TAS1R2: variants seen among roughly 807,000 people sequenced by gnomAD.
TAS1R2 encodes taste 1 receptor member 2.
Under a neutral mutation model 49.3 loss-of-function variants are expected in TAS1R2, and 47 were observed. The ratio of observed to expected loss-of-function variants is 0.95; its 90% confidence interval spans 0.75 to 1.22. TAS1R2 has a LOEUF of 1.22. TAS1R2 is among the 50% of genes most tolerant of loss of function. The pLI, the probability that TAS1R2 is intolerant of heterozygous loss-of-function variation, is 0.00. For synonymous variants in TAS1R2, 479 were observed against 467.9 expected (o/e 1.02, Z -0.31); for missense variants, 1,155 against 1,122.1 (o/e 1.03, Z -0.42).
At chr1:18,845,088 C>G (rs895317983) in intron 4 of TAS1R2, among the ~76,000 whole-genome samples, 2 of 152,158 alleles carry the variant, frequency 1.3e-5, no homozygotes, top group African/African-American at 2.4e-5. Flanking sequence ...AATTTTCCTT[C>G]CCTGATTTCA....
At chr1:18,857,463 G>C in exon 2 of TAS1R2, 1 of 1,614,192 alleles carries the variant, frequency 6.2e-7, no homozygotes, top group Non-Finnish European at 8.5e-7. Context: ...GGTTGTCCTC[G>C]TGTGCCAGGA....
chr1:18,849,430 T>C, exon 4 of TAS1R2: 1 of 1,614,238 alleles, frequency 6.2e-7, no homozygotes, highest in Non-Finnish European at 8.5e-7. Flanking sequence ...TGGAAGGGAT[T>C]CTGGCTCCGG....
Position 18,840,045 on chromosome 1 carries a change from TG to T in TAS1R2, c.2073del (p.Ile692LeufsTer3). On this transcript the variant is annotated frameshift_variant, in exon 6 of 6. Coordinates refer to ENST00000375371, the Ensembl canonical transcript of TAS1R2. LOFTEE classifies it low-confidence loss of function (END_TRUNC). ...GTGGCCAGCATGCCAATTACCACAA[TG>T]ACCATTTTGAGTACCGTGATAAATG... is the stretch of plus-strand genomic sequence containing the variant. The T allele has an allele frequency of 6.2e-7, 1 of 1,614,194 alleles. No homozygotes were observed. Among genetic ancestry groups the T allele is most frequent in the Non-Finnish European group, 8.5e-7 (1 of 1,180,024 alleles).
chr1:18,848,454 G>A (rs1933961409), intron 4 of TAS1R2, among the ~76,000 whole-genome samples: 1 of 152,000 alleles, frequency 6.6e-6, no homozygotes, highest in African/African-American at 2.4e-5. Context: ...GGAAGGACAG[G>A]ACCCCAGACT....
intron 1 of TAS1R2, 56 bp from the exon 2 acceptor site, chr1:18,857,687 G>T: frequency 6.4e-7 from 1 of 1,559,208 alleles, no homozygotes; most frequent in South Asian, 1.2e-5. Flanking sequence ...GGAAGGAAGA[G>T]ATAAGAGAAC....
intron 4 of TAS1R2, among the ~76,000 whole-genome samples, chr1:18,847,550 C>A (rs1372108717): frequency 1.6e-5 from 2 of 123,064 alleles, no homozygotes; most frequent in Admixed American, 1.5e-4. Context: ...AGGCTATTAG[C>A]AAAGGAGAGT....
chr1:18,839,675 A>T (rs1398484547), exon 6 of TAS1R2: 1 of 1,614,146 alleles, frequency 6.2e-7, no homozygotes, highest in Non-Finnish European at 8.5e-7. Context: ...GTAGAAGAGG[A>T]TCATGTAGCA....
intron 3 of TAS1R2, among the ~76,000 whole-genome samples, chr1:18,853,624 C>T (rs1934071214): frequency 2.0e-5 from 3 of 152,138 alleles, no homozygotes; most frequent in African/African-American, 4.8e-5. Flanking sequence ...AGGCTGGCCC[C>T]AAACTGTGAA....
chr1:18,856,174 T>G (rs1301954540), intron 2 of TAS1R2, among the ~76,000 whole-genome samples: 4 of 152,216 alleles, frequency 2.6e-5, no homozygotes, highest in Non-Finnish European at 4.4e-5. Context: ...TCTGATTTCA[T>G]CTCCTTCTCC....
chr1:18,840,921 A>G (rs1425876263), intron 5 of TAS1R2, among the ~76,000 whole-genome samples: 1 of 152,168 alleles, frequency 6.6e-6, no homozygotes, highest in Non-Finnish European at 1.5e-5. Context: ...AGCACCATCC[A>G]TTGTGACAGG....
chr1:18,857,663 C>A (rs754796967), intron 1 of TAS1R2, 32 bp from the exon 2 acceptor site: 1 of 1,595,718 alleles, frequency 6.3e-7, no homozygotes, highest in African/African-American at 1.3e-5. Flanking sequence ...GAGGTGGAAG[C>A]AGATCCAGAA....
intron 4 of TAS1R2, among the ~76,000 whole-genome samples, chr1:18,848,849 A>G (rs762371476): frequency 5.9e-5 from 9 of 152,170 alleles, no homozygotes; most frequent in Non-Finnish European, 8.8e-5. Flanking sequence ...GCTTCCATTA[A>G]TATTACATTA....
In TAS1R2 at chr1:18,849,811, C is replaced by T. The variant is rs530806885; in HGVS notation, c.1258-261G>A. Among the ~76,000 whole-genome samples the T allele has an allele frequency of 6.6e-5, 10 of 152,282 alleles. No individual in the cohort carries two copies. The South Asian group carries it at 1.9e-3, about 28-fold the overall frequency. On this transcript the variant is annotated intron_variant, in intron 3 of 5. Transcript: ENST00000375371. Reference sequence around the variant, plus strand: ...GCCTGTTTCTTAACCTCTCTGAACCCGTTTCCTCTTCTGCAAAGTGGGAGC... The same window carrying T: ...GCCTGTTTCTTAACCTCTCTGAACCTGTTTCCTCTTCTGCAAAGTGGGAGC...
intron 4 of TAS1R2, among the ~76,000 whole-genome samples, chr1:18,845,636 G>A: frequency 6.6e-6 from 1 of 152,240 alleles, no homozygotes; most frequent in East Asian, 1.9e-4. Context: ...AAAGGAAGAA[G>A]TAACTGACCT....
At chr1:18,842,785 G>T (rs1933851958) in intron 4 of TAS1R2, among the ~76,000 whole-genome samples, 2 of 152,186 alleles carry the variant, frequency 1.3e-5, no homozygotes, top group African/African-American at 4.8e-5. Flanking sequence ...GTTGCCAGAG[G>T]CTGGAGGAAG....
intron 3 of TAS1R2, among the ~76,000 whole-genome samples, chr1:18,850,563 G>A (rs1043914052): frequency 2.6e-5 from 4 of 152,254 alleles, no homozygotes; most frequent in African/African-American, 7.2e-5. Context: ...TGAGGATGAG[G>A]ATCAGGATGG....
chr1:18,857,245 G>A (rs570713808), intron 2 of TAS1R2, 86 bp downstream of exon 2: 1 of 1,418,346 alleles, frequency 7.1e-7, no homozygotes, highest in South Asian at 1.4e-5. Flanking sequence ...TCCCATGATT[G>A]ATGGAGGAAG....
At chr1:18,858,439 C>T (rs1459781367) in intron 1 of TAS1R2, 2 of 152,496 alleles carry the variant, frequency 1.3e-5, no homozygotes, top group African/African-American at 4.8e-5. Flanking sequence ...ACCATCATCA[C>T]TACCATCACC....
rs528574023 is a variant in TAS1R2, at chr1:18,854,822, G to A, written c.648C>T (p.Gly216=). 1.2e-6 allele frequency: 2 copies of A among 1,607,146 alleles called. No individual in the cohort carries two copies. The highest frequency in any genetic ancestry group is 3.3e-5 in the Admixed American group (2 of 59,728). ...CGCCAAGCAGCTGGCCATTGTCGCG[G>A]CCATAGGTGTCGCTGCTCACCAGCA... The change falls in exon 3 of 6, where the codon GGC becomes GGT. Residue 216 remains glycine (G), a synonymous_variant. Transcript: ENST00000375371. This position sits in a 1 kb window ranked among gnomAD's most constrained non-coding sequence, Gnocchi z 4.9.
Sources: allele counts gnomAD v4.1 joint callset (sites outside exome capture counted in the v4.1 genomes callset), GRCh38; gene constraint gnomAD v4.1.1; non-coding constraint Gnocchi (gnomAD v3.1); transcripts MANE v1.5; gene names NCBI Gene and HGNC (gene_info 2026-07-23, HGNC 2026-07-21).